Variants in SHTN1 observed in about 807,000 individuals in gnomAD.
SHTN1 encodes shootin 1, also known as shootin-1.
SHTN1 carries 42 observed loss-of-function variants against 83.1 expected under a neutral mutation model. That is an observed-to-expected ratio of 0.51 (90% CI 0.39 to 0.65). The LOEUF is 0.65. Among genes scored for constraint, SHTN1 ranks in the 30% least tolerant of loss-of-function variants. SHTN1 has a pLI of 0.00. For synonymous variants in SHTN1, 224 were observed against 247.7 expected (o/e 0.90, Z 0.90); for missense variants, 622 against 737.8 (o/e 0.84, Z 1.82).
intron 2 of SHTN1, among the ~76,000 whole-genome samples, chr10:117,042,019 T>G (rs1419992551): frequency 3.9e-5 from 6 of 152,196 alleles, no homozygotes; most frequent in Non-Finnish European, 8.8e-5. Context: ...CTCAGTTAAT[T>G]TAGTTTTTGA....
chr10:116,919,402 C>G (rs1044881788), intron 12 of SHTN1, among the ~76,000 whole-genome samples: 5 of 152,164 alleles, frequency 3.3e-5, no homozygotes, highest in Admixed American at 2.0e-4. Context: ...ATTGGTAACT[C>G]TACTTAGAAT....
upstream of SHTN1, chr10:117,005,428 C>T (rs899954298): frequency 6.4e-6 from 7 of 1,092,880 alleles, no homozygotes; most frequent in South Asian, 2.0e-4. Context: ...GGGGTCGCTC[C>T]GCACCCTTTT....
chr10:117,123,837 A>G (rs1853965924), intron 1 of SHTN1, among the ~76,000 whole-genome samples: 1 of 149,300 alleles, frequency 6.7e-6, no homozygotes, highest in Non-Finnish European at 1.5e-5. Flanking sequence ...TGAACCCGAG[A>G]GGCAGTGAGT....
chr10:116,964,994 G>C (rs1263004148), intron 3 of SHTN1, among the ~76,000 whole-genome samples: 1 of 152,030 alleles, frequency 6.6e-6, no homozygotes, highest in Non-Finnish European at 1.5e-5. Flanking sequence ...TAAATAAAAA[G>C]ATATGAAAGG....
intron 16 of SHTN1, among the ~76,000 whole-genome samples, chr10:116,895,247 A>G (rs1847478277): frequency 1.3e-5 from 2 of 152,170 alleles, no homozygotes; most frequent in African/African-American, 4.8e-5. Flanking sequence ...CTGGGAAAAA[A>G]CTATTTCTCA....
chr10:116,917,373 C>T (rs946175168), intron 12 of SHTN1, among the ~76,000 whole-genome samples: 1 of 152,120 alleles, frequency 6.6e-6, no homozygotes, highest in Non-Finnish European at 1.5e-5. Context: ...GGCACGATCT[C>T]GGCTCACTGC....
At chr10:117,025,112 G>A (rs898232497) in intron 2 of SHTN1, among the ~76,000 whole-genome samples, 3 of 152,108 alleles carry the variant, frequency 2.0e-5, no homozygotes, top group Non-Finnish European at 4.4e-5. Context: ...CCAAAAATCA[G>A]GTGAGAACTC....
chr10:116,899,506 GGTGTGTGTGT>G (rs370396879), intron 16 of SHTN1, among the ~76,000 whole-genome samples: 23 of 124,500 alleles, frequency 1.8e-4, no homozygotes, highest in Middle Eastern at 3.9e-3. Flanking sequence ...GGCTGGGGCT[GGTGTGTGTGT>G]GTGTGTGTGT....
At chr10:116,923,438 A>C (rs1848632498) in intron 11 of SHTN1, among the ~76,000 whole-genome samples, 1 of 152,216 alleles carries the variant, frequency 6.6e-6, no homozygotes, top group Non-Finnish European at 1.5e-5. Flanking sequence ...GGAAGCCAGC[A>C]ATAGAAAACA....
chr10:116,928,030 T>A, intron 10 of SHTN1, 139 bp from the exon 11 acceptor site: 1 of 918,354 alleles, frequency 1.1e-6, no homozygotes, highest in Non-Finnish European at 1.6e-6. Context: ...AATATGAAAT[T>A]ACAGACCTTT....
chr10:117,033,093 G>C (rs1852443897), intron 2 of SHTN1, among the ~76,000 whole-genome samples: 1 of 151,642 alleles, frequency 6.6e-6, no homozygotes, highest in Non-Finnish European at 1.5e-5. Flanking sequence ...CAAAAAAGAA[G>C]AAAAATTTCA....
At chr10:117,096,179 T>A (rs201724633) in intron 1 of SHTN1, among the ~76,000 whole-genome samples, 1 of 145,358 alleles carries the variant, frequency 6.9e-6, no homozygotes, top group Non-Finnish European at 1.5e-5. Flanking sequence ...GTCAAAAAAA[T>A]AAAGTGTAAC....
intron 2 of SHTN1, among the ~76,000 whole-genome samples, chr10:117,021,333 A>C (rs1852261166): frequency 6.6e-6 from 1 of 152,084 alleles, no homozygotes; most frequent in Admixed American, 6.6e-5. Flanking sequence ...TTGAACCTGG[A>C]GGTAGAGGTT....
At chr10:116,934,000 C>T (rs930011054) in intron 9 of SHTN1, among the ~76,000 whole-genome samples, 5 of 152,156 alleles carry the variant, frequency 3.3e-5, no homozygotes, top group Non-Finnish European at 7.4e-5. Context: ...ACTTTGCCCA[C>T]TTTTTGATGA....
At chr10:117,047,010 G>C (rs980164932) in intron 2 of SHTN1, among the ~76,000 whole-genome samples, 1 of 151,756 alleles carries the variant, frequency 6.6e-6, no homozygotes, top group African/African-American at 2.4e-5. Context: ...TAAAAAAAAA[G>C]AGAAAAAATG....
At chr10:117,000,384 A>G (rs2133537001) in intron 1 of SHTN1, among the ~76,000 whole-genome samples, 1 of 152,338 alleles carries the variant, frequency 6.6e-6, no homozygotes, top group East Asian at 1.9e-4. Flanking sequence ...AAGCTTGACT[A>G]GATTTCCATG....
chr10:116,953,267 C>G (rs762867424), intron 5 of SHTN1, among the ~76,000 whole-genome samples: 2 of 152,106 alleles, frequency 1.3e-5, no homozygotes, highest in Non-Finnish European at 2.9e-5. Context: ...TATGATCTTG[C>G]CTTACAACAC....
chr10:116,972,807 T>A (rs186403526), intron 2 of SHTN1, among the ~76,000 whole-genome samples: 212 of 152,368 alleles, frequency 1.4e-3, no homozygotes, highest in African/African-American at 4.9e-3. Flanking sequence ...CTGGCTCATG[T>A]AAGCAAGCTG....
intron 2 of SHTN1, among the ~76,000 whole-genome samples, chr10:117,029,817 G>A (rs1254400818): frequency 2.0e-5 from 3 of 151,624 alleles, no homozygotes; most frequent in Non-Finnish European, 2.9e-5. Context: ...GTGATACCAT[G>A]AGCCAGTTAA....
Sources: gnomAD v4.1 joint callset for allele counts (sites outside exome capture counted in the v4.1 genomes callset) on GRCh38, gnomAD v4.1.1 for gene constraint, MANE v1.5 for transcripts, NCBI Gene and HGNC (gene_info 2026-07-23, HGNC 2026-07-21) for gene names.